Variants in ZC3H12B observed in about 807,000 individuals in gnomAD.
The protein encoded by ZC3H12B is zinc finger CCCH-type containing 12B.
Under a neutral mutation model 43.9 loss-of-function variants are expected in ZC3H12B, and 7 were observed. The observed-to-expected ratio is 0.16, with a 90% CI of 0.09 to 0.30. The LOEUF (loss-of-function observed/expected upper bound fraction) is 0.30, where lower values mean the gene tolerates loss of function less well. ZC3H12B is among the 10% of genes least tolerant of loss of function. The pLI is 1.00. For synonymous variants in ZC3H12B, 222 were observed against 241.7 expected (o/e 0.92, Z 0.76); for missense variants, 475 against 670.2 (o/e 0.71, Z 3.22).
chrX:65,447,043 A>G (rs759411156), intron 3 of ZC3H12B, among the ~76,000 whole-genome samples: 58 of 111,710 alleles, frequency 5.2e-4, no homozygotes, highest in African/African-American at 1.8e-3. Flanking sequence ...TTAGATGTCT[A>G]TTTGGTTCTT....
the ZC3H12B span, among the ~76,000 whole-genome samples, chrX:65,102,010 G>A: frequency 8.9e-6 from 1 of 111,940 alleles, no homozygotes; most frequent in Non-Finnish European, 1.9e-5. Flanking sequence ...ACCGAACGCA[G>A]CAGCACATCA....
chrX:65,236,283 C>T, the ZC3H12B span, among the ~76,000 whole-genome samples: 1 of 111,857 alleles, frequency 8.9e-6, no homozygotes, highest in Non-Finnish European at 1.9e-5. Flanking sequence ...TTCTCTGTTT[C>T]CTGTGGCTAT....
At chrX:65,252,030 A>G in the ZC3H12B span, among the ~76,000 whole-genome samples, 40 of 111,684 alleles carry the variant, frequency 3.6e-4, no homozygotes, top group East Asian at 1.7e-3. Context: ...CAAAGGGAAT[A>G]CTTCCAGTTT....
At chrX:65,200,459 G>A in the ZC3H12B span, among the ~76,000 whole-genome samples, 1 of 77,808 alleles carries the variant, frequency 1.3e-5, no homozygotes, top group Non-Finnish European at 2.3e-5. Flanking sequence ...TTGACACAGA[G>A]TATCACTGAG....
At chrX:65,428,565 G>A (rs1214562709) in intron 3 of ZC3H12B, among the ~76,000 whole-genome samples, 1 of 112,609 alleles carries the variant, frequency 8.9e-6, no homozygotes, top group Non-Finnish European at 1.9e-5. Flanking sequence ...ATTTATGATT[G>A]CATTGTGAAG....
At chrX:65,300,211 G>A in the ZC3H12B span, among the ~76,000 whole-genome samples, 1 of 112,375 alleles carries the variant, frequency 8.9e-6, no homozygotes, top group South Asian at 3.7e-4. Context: ...ACCACAGCAG[G>A]AGGGCAGTCA....
the ZC3H12B span, among the ~76,000 whole-genome samples, chrX:65,215,607 C>G: frequency 9.0e-6 from 1 of 111,175 alleles, no homozygotes; most frequent in Non-Finnish European, 1.9e-5. Flanking sequence ...CAATCCAGAC[C>G]ACTAAAACTT....
At chrX:65,393,852 C>A (rs889326947) in intron 2 of ZC3H12B, among the ~76,000 whole-genome samples, 7 of 112,176 alleles carry the variant, frequency 6.2e-5, no homozygotes, top group Admixed American at 5.7e-4. Flanking sequence ...TGCATCCTCT[C>A]CAGCATCTAT....
chrX:65,102,702 G>C, the ZC3H12B span, among the ~76,000 whole-genome samples: 1 of 111,635 alleles, frequency 9.0e-6, no homozygotes, highest in Non-Finnish European at 1.9e-5. Context: ...CTTCTTCAAG[G>C]AGAACAAAAA....
chrX:65,078,609 TAGTGAG>T, the ZC3H12B span, among the ~76,000 whole-genome samples: 8 of 111,874 alleles, frequency 7.2e-5, no homozygotes, highest in African/African-American at 2.0e-4. Context: ...TCATTGACCT[TAGTGAG>T]AGAGATCTCA....
intron 3 of ZC3H12B, among the ~76,000 whole-genome samples, chrX:65,401,666 A>G (rs182435321): frequency 8.0e-4 from 89 of 111,780 alleles, no homozygotes; most frequent in Middle Eastern, 4.6e-3. Flanking sequence ...TGAGGCTCCA[A>G]AACAGATCCC....
the ZC3H12B span, among the ~76,000 whole-genome samples, chrX:65,128,616 A>C: frequency 8.9e-6 from 1 of 111,840 alleles, no homozygotes; most frequent in African/African-American, 3.2e-5. Flanking sequence ...CTTATTTTAT[A>C]ATTGTTCTAT....
chrX:65,374,037 T>C (rs1356971674), intron 2 of ZC3H12B, among the ~76,000 whole-genome samples: 1 of 58,756 alleles, frequency 1.7e-5, no homozygotes, highest in Non-Finnish European at 2.8e-5. Flanking sequence ...TATATAACTA[T>C]ATATACAGTA....
the ZC3H12B span, among the ~76,000 whole-genome samples, chrX:65,330,228 T>G: frequency 4.1e-3 from 462 of 111,694 alleles, 2 homozygotes; most frequent in Non-Finnish European, 6.9e-3. Flanking sequence ...TGTATAAGAA[T>G]GCTTGTGATT....
the ZC3H12B span, among the ~76,000 whole-genome samples, chrX:65,358,618 A>T: frequency 2.5e-4 from 28 of 111,609 alleles, no homozygotes; most frequent in Admixed American, 1.4e-3. Flanking sequence ...AGAAATAAAG[A>T]TGTTCTTTGA....
intron 1 of ZC3H12B, among the ~76,000 whole-genome samples, chrX:65,493,499 A>C (rs911319878): frequency 6.2e-5 from 7 of 112,404 alleles, no homozygotes; most frequent in Non-Finnish European, 1.3e-4. Flanking sequence ...TAAGATCCTA[A>C]AGGGTACATT....
chrX:65,230,953 C>T, the ZC3H12B span, among the ~76,000 whole-genome samples: 2 of 111,974 alleles, frequency 1.8e-5, no homozygotes, highest in East Asian at 5.6e-4. Context: ...AAGGATAAAC[C>T]TATTTGAGAT....
chrX:65,121,447 T>C, the ZC3H12B span, among the ~76,000 whole-genome samples: 2 of 111,999 alleles, frequency 1.8e-5, no homozygotes, highest in African/African-American at 6.5e-5. Flanking sequence ...TAGAGGTGTT[T>C]ATAGTATTCT....
chrX:65,455,660 C>G (rs1439535345), intron 3 of ZC3H12B, among the ~76,000 whole-genome samples: 1 of 111,228 alleles, frequency 9.0e-6, no homozygotes, highest in Non-Finnish European at 1.9e-5. Flanking sequence ...AGAGCAACCC[C>G]AAGACACATA....
Sources: allele counts gnomAD v4.1 joint callset (sites outside exome capture counted in the v4.1 genomes callset), GRCh38; gene constraint gnomAD v4.1.1; transcripts MANE v1.5; gene names NCBI Gene and HGNC (gene_info 2026-07-23, HGNC 2026-07-21).